CEP83: variants seen among roughly 807,000 people sequenced by gnomAD.
The protein encoded by CEP83 is centrosomal protein of 83 kDa.
In CEP83, 70 loss-of-function variants were observed where a neutral mutation model predicts 101.9. The ratio of observed to expected loss-of-function variants is 0.69; its 90% CI spans 0.57 to 0.84. The LOEUF (loss-of-function observed/expected upper bound fraction) is 0.84, where lower values mean the gene tolerates loss of function less well. Ranked by LOEUF, CEP83 falls within the 40% of genes least tolerant of loss-of-function variation. The pLI, the probability that CEP83 is intolerant of heterozygous loss-of-function variation, is 0.00. For missense variants in CEP83, 715 were observed against 787.2 expected (o/e 0.91, Z 1.10); for synonymous variants, 264 against 267.9 (o/e 0.99, Z 0.14).
At chr12:94,334,773 T>C (rs1213489589) in intron 12 of CEP83, among the ~76,000 whole-genome samples, 2 of 152,268 alleles carry the variant, frequency 1.3e-5, no homozygotes, top group East Asian at 3.9e-4. Context: ...AATTTATCCA[T>C]GTAGAACTAT....
intron 1 of CEP83, among the ~76,000 whole-genome samples, chr12:94,451,079 G>A (rs1460174724): frequency 6.6e-6 from 1 of 152,144 alleles, no homozygotes; most frequent in Non-Finnish European, 1.5e-5. Context: ...GAAAAGAACA[G>A]TCTTTTTAAC....
intron 6 of CEP83, among the ~76,000 whole-genome samples, chr12:94,395,628 C>T (rs190465178): frequency 1.3e-5 from 2 of 152,198 alleles, no homozygotes; most frequent in Non-Finnish European, 2.9e-5. Context: ...TCAAGACCAT[C>T]CTGCCTAACA....
intron 6 of CEP83, among the ~76,000 whole-genome samples, chr12:94,381,456 A>G (rs2061844739): frequency 6.6e-6 from 1 of 152,214 alleles, no homozygotes; most frequent in Non-Finnish European, 1.5e-5. Flanking sequence ...CTTTTTAAAA[A>G]GTTATTGAAG....
intron 14 of CEP83, 23 bp downstream of exon 14, chr12:94,331,677 T>C (rs778104162): frequency 1.2e-6 from 2 of 1,611,474 alleles, no homozygotes; most frequent in Admixed American, 3.3e-5. Context: ...TGGCCAGAGA[T>C]CACTTTAATA....
chr12:94,441,395 C>T (rs1703079410), intron 1 of CEP83, among the ~76,000 whole-genome samples: 1 of 152,104 alleles, frequency 6.6e-6, no homozygotes, highest in African/African-American at 2.4e-5. Flanking sequence ...AAAAGATATA[C>T]AAATGGCCAA....
intron 6 of CEP83, among the ~76,000 whole-genome samples, chr12:94,387,210 T>C (rs949173584): frequency 2.0e-5 from 3 of 152,158 alleles, no homozygotes; most frequent in Non-Finnish European, 1.5e-5. Context: ...CCCTAGGCCA[T>C]GGACCATTAC....
At chr12:94,390,754 T>C (rs2062471227) in intron 6 of CEP83, among the ~76,000 whole-genome samples, 1 of 152,118 alleles carries the variant, frequency 6.6e-6, no homozygotes. Flanking sequence ...AATGGCTAAC[T>C]AGAATAAACA....
At chr12:94,289,485 T>A in the CEP83 span, among the ~76,000 whole-genome samples, 1 of 152,192 alleles carries the variant, frequency 6.6e-6, no homozygotes, top group Non-Finnish European at 1.5e-5. Flanking sequence ...TCTAGTGACA[T>A]TAATCTTTCT....
At chr12:94,454,860 C>T (rs978184696) in intron 1 of CEP83, among the ~76,000 whole-genome samples, 1 of 152,084 alleles carries the variant, frequency 6.6e-6, no homozygotes, top group African/African-American at 2.4e-5. Flanking sequence ...CTGAAGCCAG[C>T]AATACCACGA....
chr12:94,393,652 G>A (rs1409257576), intron 6 of CEP83, among the ~76,000 whole-genome samples: 1 of 152,054 alleles, frequency 6.6e-6, no homozygotes, highest in Non-Finnish European at 1.5e-5. Context: ...AGAAATAAAG[G>A]GTATTCAATT....
downstream of CEP83, chr12:94,303,904 TAGAA>T (rs1968738548): frequency 3.1e-6 from 5 of 1,609,490 alleles, no homozygotes; most frequent in Admixed American, 1.7e-5. Context: ...AAGGTATCAT[TAGAA>T]AGCAGAAATA....
the CEP83 span, among the ~76,000 whole-genome samples, chr12:94,286,244 T>C: frequency 2.6e-5 from 4 of 152,282 alleles, no homozygotes; most frequent in Admixed American, 6.5e-5. Flanking sequence ...TAAAGGATTC[T>C]CCTTATGTTT....
At chr12:94,333,998 T>A (rs1395485154) in intron 12 of CEP83, among the ~76,000 whole-genome samples, 1 of 151,736 alleles carries the variant, frequency 6.6e-6, no homozygotes, top group Non-Finnish European at 1.5e-5. Flanking sequence ...AGCCTTCTCC[T>A]CACCTCCTAG....
chr12:94,295,116 AAATT>A, the CEP83 span, among the ~76,000 whole-genome samples: 1 of 152,204 alleles, frequency 6.6e-6, no homozygotes, highest in African/African-American at 2.4e-5. Context: ...GTCTCCAGAG[AAATT>A]ATACCCCAGT....
intron 6 of CEP83, among the ~76,000 whole-genome samples, chr12:94,383,031 A>G (rs1273966190): frequency 6.6e-6 from 1 of 152,000 alleles, no homozygotes; most frequent in Non-Finnish European, 1.5e-5. Flanking sequence ...TGCTTCAAAC[A>G]TTTTGCACCT....
chr12:94,305,297 C>A (rs776336228), downstream of CEP83: 13 of 1,548,152 alleles, frequency 8.4e-6, no homozygotes, highest in Non-Finnish European at 1.2e-5. Context: ...CACTCTGGGG[C>A]CTGGCTTAAT....
downstream of CEP83, chr12:94,303,688 T>C (rs921093860): frequency 9.6e-5 from 120 of 1,255,350 alleles, no homozygotes; most frequent in African/African-American, 1.7e-3. Flanking sequence ...TATAAATTCC[T>C]CCATCTTTTT....
chr12:94,411,009 G>C (rs2063844059), intron 4 of CEP83, among the ~76,000 whole-genome samples: 1 of 152,066 alleles, frequency 6.6e-6, no homozygotes, highest in Non-Finnish European at 1.5e-5. Context: ...CTTATTATTT[G>C]TACCAATCAG....
chr12:94,400,997 A>G lies in CEP83; in HGVS notation c.418-16T>C, dbSNP rs1177472701. ...TTTCTACCTCCTAAAGGGAGAATGCATTTATCATAGATTTATAAACAAAAT... is the reference window on the plus strand; with the variant it reads ...TTTCTACCTCCTAAAGGGAGAATGCGTTTATCATAGATTTATAAACAAAAT... On this transcript the variant is annotated splice_polypyrimidine_tract_variant and intron_variant, in intron 5 of 16. Transcript: ENST00000397809. 6 of 1,317,122 alleles carry G rather than the reference A, an allele frequency of 4.6e-6. No homozygotes were observed. The allele number at this position is 1,317,122 out of a possible 1,614,324, so 81.6% of individuals were successfully genotyped here.
Sources: allele counts gnomAD v4.1 joint callset (sites outside exome capture counted in the v4.1 genomes callset), GRCh38; gene constraint gnomAD v4.1.1; transcripts MANE v1.5; gene names NCBI Gene and HGNC (gene_info 2026-07-23, HGNC 2026-07-21).